The following GJB6 variants were observed in gnomAD, a reference collection of about 807,000 sequenced individuals.
GJB6 encodes the protein gap junction protein beta 6.
In GJB6, 5 loss-of-function variants were observed where a neutral mutation model predicts 5.4. The ratio of observed to expected loss-of-function variants is 0.92; its 90% confidence interval spans 0.48 to 1.93. The LOEUF (loss-of-function observed/expected upper bound fraction) is 1.93, where lower values mean the gene tolerates loss of function less well. Ranked by LOEUF, GJB6 falls within the 30% of genes most tolerant of loss-of-function variation. The probability of loss-of-function intolerance (pLI) is 0.01; values close to 1 mark genes in which losing one functional copy is unlikely to be tolerated. For missense variants in GJB6, 298 were observed against 326.9 expected (o/e 0.91, Z 0.68); for synonymous variants, 136 against 129.6 (o/e 1.05, Z -0.34).
intron 4 of GJB6, among the ~76,000 whole-genome samples, chr13:20,227,272 A>G (rs993051696): frequency 6.6e-6 from 1 of 152,188 alleles, no homozygotes; most frequent in Admixed American, 6.5e-5. Context: ...AATCTGTTTC[A>G]CAATGCGCGC....
In GJB6 at chr13:20,223,476, T is replaced by G; in HGVS notation, c.5A>C (p.Asp2Ala). ...GATGAAAGTGTGCAGCGTCCCCCAA[T>G]CCATTGCGCTGGTTTATCCCTAAAC... M[D>A]WGTLHTFIGG... Residue 2 changes from aspartate to alanine, a missense_variant, in exon 5 of 5, where the codon GAT becomes GCT. Coordinates refer to ENST00000647029, the MANE Select transcript of GJB6 (RefSeq NM_001110219.3). 6.2e-7 allele frequency: 1 copy of G among 1,613,860 alleles called. No homozygotes were observed. The highest frequency in any genetic ancestry group is 8.5e-7 in the Non-Finnish European group (1 of 1,179,856).
At chr13:20,224,944 C>T (rs1049167785) in intron 4 of GJB6, among the ~76,000 whole-genome samples, 2 of 152,186 alleles carry the variant, frequency 1.3e-5, no homozygotes, top group African/African-American at 4.8e-5. Flanking sequence ...CACACACCTG[C>T]CCCTCTGCAT....
At chr13:20,227,096 CA>C (rs1869637863) in intron 4 of GJB6, among the ~76,000 whole-genome samples, 1 of 152,162 alleles carries the variant, frequency 6.6e-6, no homozygotes. Flanking sequence ...TTTCTAGAAG[CA>C]GGGTCCCTGA....
intron 4 of GJB6, among the ~76,000 whole-genome samples, chr13:20,224,467 T>C (rs1869441164): frequency 6.6e-6 from 1 of 152,184 alleles, no homozygotes; most frequent in African/African-American, 2.4e-5. Flanking sequence ...ATATCTGCAG[T>C]ATAACCAAGC....
At chr13:20,227,411 C>T (rs1165621222) in intron 4 of GJB6, among the ~76,000 whole-genome samples, 1 of 152,186 alleles carries the variant, frequency 6.6e-6, no homozygotes, top group Non-Finnish European at 1.5e-5. Context: ...TCCCCGGTCA[C>T]TCAGGACAGT....
chr13:20,228,473 G>GTTTTTTTGTTTTTT (rs200751103), intron 4 of GJB6, among the ~76,000 whole-genome samples: 3 of 149,782 alleles, frequency 2.0e-5, no homozygotes, highest in Admixed American at 6.6e-5. Context: ...GTTTGTTTTT[G>GTTTTTTTGTTTTTT]TTTTTTGTTT....
At chr13:20,230,003 C>T (rs893615492) in intron 3 of GJB6, 4 of 152,094 alleles carry the variant, frequency 2.6e-5, no homozygotes, top group African/African-American at 9.7e-5. Context: ...CTCAAGCCCA[C>T]TCCTTGAGCA....
Position 20,223,323 on chromosome 13 carries a change from C to CAAG in GJB6, c.157_158insCTT (p.Val52_Cys53insSer). The CAAG allele has an allele frequency of 5.6e-6, 9 of 1,614,182 alleles. No individual in the cohort carries two copies. The highest frequency in any genetic ancestry group is 7.6e-6 in the Non-Finnish European group (9 of 1,180,046). Reference sequence around the variant, plus strand: ...TTTGCATCCCGGTTGCAGTGTGTTGCAGACGAAGTCCTCTTGCTCGTCACC... The same window carrying CAAG: ...TTTGCATCCCGGTTGCAGTGTGTTGCAAGAGACGAAGTCCTCTTGCTCGTCACC... On this transcript the variant is annotated inframe_insertion, in exon 5 of 5. Coordinates refer to ENST00000647029, the MANE Select transcript of GJB6 (RefSeq NM_001110219.3).
chr13:20,229,056 A>T (rs971823282), intron 4 of GJB6, among the ~76,000 whole-genome samples: 44 of 143,300 alleles, frequency 3.1e-4, no homozygotes, highest in African/African-American at 1.1e-3. Context: ...TAAAGCCCCC[A>T]AAGTTAGAGT....
At position 20,222,521 on chromosome 13, in the gene GJB6, T is replaced by C. The variant is rs1869240902; in HGVS notation, c.*174A>G. The C allele has an allele frequency of 3.2e-6, 2 of 620,118 alleles. No individual in the cohort carries two copies. Among genetic ancestry groups the C allele is most frequent in the Admixed American group, 5.5e-5 (2 of 36,120 alleles). The allele number at this position is 620,118 out of a possible 1,614,324, so 38.4% of individuals were successfully genotyped here. A position where few individuals can be genotyped will look rare whatever the true frequency, so the allele number is the denominator to read the frequency against. ...TTTCAGAGATGGACCACATATTTGATTACGTTGTGTATGAATGGAGCAAGT... is the reference window on the plus strand; with the variant it reads ...TTTCAGAGATGGACCACATATTTGACTACGTTGTGTATGAATGGAGCAAGT... On this transcript the variant is annotated 3_prime_UTR_variant, in exon 5 of 5. Transcript: ENST00000647029.
intron 4 of GJB6, among the ~76,000 whole-genome samples, chr13:20,228,481 T>G (rs1190067690): frequency 6.6e-5 from 8 of 121,718 alleles, no homozygotes; most frequent in African/African-American, 1.9e-4. Context: ...TTGTTTTTTG[T>G]TTTTGTTTTT....
intron 4 of GJB6, among the ~76,000 whole-genome samples, chr13:20,227,335 A>G (rs77041216): frequency 0.086 from 13,135 of 152,210 alleles, 725 homozygotes; most frequent in East Asian, 0.26. Flanking sequence ...TTAAAGGAAG[A>G]AAAGTAAAGG....
chr13:20,223,219 C>CT lies in GJB6; in HGVS notation c.261dup (p.Ala88SerfsTer27), dbSNP rs398124236. 1.2e-6 allele frequency: 2 copies of CT among 1,610,518 alleles called. No homozygotes were observed. The highest frequency in any genetic ancestry group is 1.7e-6 in the Non-Finnish European group (2 of 1,177,234). On this transcript the variant is annotated frameshift_variant, in exon 5 of 5. Coordinates refer to ENST00000647029, the MANE Select transcript of GJB6 (RefSeq NM_001110219.3). LOFTEE classifies it low-confidence loss of function (END_TRUNC). ...GCCACATGCATGGCCACCAGCAGCG[C>CT]TGGGGTGGAGACGAAGATCAGCTGG...
chr13:20,223,647 G>A (rs1869383945), intron 4 of GJB6, among the ~76,000 whole-genome samples, 152 bp from the exon 5 acceptor site: 1 of 152,104 alleles, frequency 6.6e-6, no homozygotes, highest in Non-Finnish European at 1.5e-5. Context: ...GAGGTTTTCT[G>A]AAAAGGAATG....
At chr13:20,230,614 C>T (rs1271344844) in intron 3 of GJB6, 84 bp downstream of exon 3, 4 of 152,150 alleles carry the variant, frequency 2.6e-5, no homozygotes, top group Non-Finnish European at 5.9e-5. Flanking sequence ...CCTCACAGAC[C>T]AAGAAGCTTG....
At position 20,222,275 on chromosome 13, in the gene GJB6, C is replaced by T. The variant is rs1175446253; in HGVS notation, c.*420G>A. Reference sequence around the variant, plus strand: ...GCATGTTTTTCCAGGTAAGGAAGACCAGTCATTATAAAAATACTTTATATA... The same window carrying T: ...GCATGTTTTTCCAGGTAAGGAAGACTAGTCATTATAAAAATACTTTATATA... On this transcript the variant is annotated 3_prime_UTR_variant, in exon 5 of 5. Coordinates refer to ENST00000647029, the MANE Select transcript of GJB6 (RefSeq NM_001110219.3). The T allele has an allele frequency of 5.8e-6, 1 of 170,942 alleles. No individual in the cohort carries two copies. 10.6% of individuals were successfully genotyped at this position (170,942 alleles called of 1,614,324 possible).
rs1869265336 is a variant in GJB6, at chr13:20,222,769, C to G, written c.712G>C (p.Glu238Gln). 1 of 1,614,054 alleles carries G rather than the reference C, an allele frequency of 6.2e-7. No homozygotes were observed. Among genetic ancestry groups the G allele is most frequent in the Admixed American group, 1.7e-5 (1 of 60,016 alleles). ...TCATTCATTTCATTCTGCTTACTCT[C>G]CTTTAGGGCATGATTGGGGTGATTT... Reference protein sequence around the residue: ...QKNHPNHALKESKQNEMNELI... With the variant: ...QKNHPNHALKQSKQNEMNELI... Residue 238 changes from glutamate to glutamine, a missense_variant, in exon 5 of 5, where the codon GAG becomes CAG. Transcript: ENST00000647029.
chr13:20,224,707 T>G (rs899367484), intron 4 of GJB6, among the ~76,000 whole-genome samples: 3 of 152,188 alleles, frequency 2.0e-5, no homozygotes, highest in Non-Finnish European at 4.4e-5. Context: ...CATTCTCCTT[T>G]GAAAAATAAA....
intron 4 of GJB6, among the ~76,000 whole-genome samples, chr13:20,228,736 G>C (rs577127609): frequency 2.6e-5 from 4 of 151,508 alleles, no homozygotes; most frequent in Non-Finnish European, 5.9e-5. Context: ...CGCCCCCCTT[G>C]GCCTCCCAAA....
Sources: gnomAD v4.1 joint callset for allele counts (sites outside exome capture counted in the v4.1 genomes callset) on GRCh38, gnomAD v4.1.1 for gene constraint, MANE v1.5 for transcripts, NCBI Gene and HGNC (gene_info 2026-07-23, HGNC 2026-07-21) for gene names.